Variants in ANKRD36C observed in about 807,000 individuals in gnomAD.
ANKRD36C encodes the protein ankyrin repeat domain-containing protein 36C.
In ANKRD36C, 61 loss-of-function variants were observed where a neutral mutation model predicts 276.4. The ratio of observed to expected loss-of-function variants is 0.22; its 90% confidence interval spans 0.18 to 0.27. ANKRD36C has a LOEUF of 0.27. Among genes scored for constraint, ANKRD36C ranks in the 10% least tolerant of loss-of-function variants. ANKRD36C has a pLI of 1.00. For synonymous variants in ANKRD36C, 483 were observed against 680.1 expected (o/e 0.71, Z 4.51); for missense variants, 1,447 against 2,032.3 (o/e 0.71, Z 5.54).
At chr2:95,936,685 C>T (rs1677727570) in intron 22 of ANKRD36C, among the ~76,000 whole-genome samples, 2 of 151,892 alleles carry the variant, frequency 1.3e-5, no homozygotes, top group African/African-American at 2.4e-5. Flanking sequence ...CACCATCCCA[C>T]CCCACTTGTA....
chr2:95,980,507 A>G (rs1176071280), intron 5 of ANKRD36C, 141 bp downstream of exon 5: 8 of 1,259,072 alleles, frequency 6.4e-6, no homozygotes, highest in Non-Finnish European at 6.4e-6. Flanking sequence ...CAACTCTCGA[A>G]AACTTAAAAA....
intron 46 of ANKRD36C, 144 bp from the exon 67 acceptor site, chr2:95,890,138 G>A (rs1573742828): frequency 8.9e-7 from 1 of 1,117,832 alleles, no homozygotes; most frequent in South Asian, 1.4e-5. Flanking sequence ...TCGGGGACAA[G>A]AACATGACAG....
chr2:95,850,204 CTTCA>C (rs1251693433), downstream of ANKRD36C, among the ~76,000 whole-genome samples: 9 of 152,292 alleles, frequency 5.9e-5, no homozygotes, highest in Non-Finnish European at 4.4e-5. Context: ...GTTTCTCACT[CTTCA>C]TTCATGTATT....
rs1223718135 is a variant in ANKRD36C at position 95,889,739 on chromosome 2, T to G, written c.2959+60A>C. The G allele has an allele frequency of 5.3e-6, 8 of 1,520,852 alleles. No homozygotes were observed. In the African/African-American group the frequency reaches 1.1e-4, roughly 21 times the overall value. 94.2% of individuals were successfully genotyped at this position (1,520,852 alleles called of 1,614,324 possible). ...ACGAACCCCCCGCTGCTTTATTTGG[T>G]GAAGAGAAGATCTCTTCTATCTTGA... On this transcript the variant is annotated intron_variant, in intron 48 of 66. Coordinates refer to ENST00000456556, the Ensembl canonical transcript of ANKRD36C.
At chr2:95,861,167 A>G (rs1391639523) in intron 60 of ANKRD36C, among the ~76,000 whole-genome samples, 1 of 152,104 alleles carries the variant, frequency 6.6e-6, no homozygotes, top group Non-Finnish European at 1.5e-5. Flanking sequence ...ATAAAACTCA[A>G]GATAATAAGT....
At chr2:95,872,879 C>T (rs1675848696) in intron 59 of ANKRD36C, among the ~76,000 whole-genome samples, 1 of 152,160 alleles carries the variant, frequency 6.6e-6, no homozygotes, top group South Asian at 2.1e-4. Flanking sequence ...TCAAAGAATA[C>T]TACAAACACC....
intron 42 of ANKRD36C, 45 bp from the exon 57 acceptor site, chr2:95,899,381 C>CAAAG: frequency 4.0e-4 from 1 of 2,482 alleles, no homozygotes; most frequent in Non-Finnish European, 9.3e-4. Context: ...GTAAATATGA[C>CAAAG]AAAGATATCC....
At chr2:95,872,269 A>G (rs1172549980) in intron 59 of ANKRD36C, among the ~76,000 whole-genome samples, 2 of 127,866 alleles carry the variant, frequency 1.6e-5, no homozygotes, top group Non-Finnish European at 3.4e-5. Flanking sequence ...ACTTGGAAGT[A>G]AAGCTCTCCT....
chr2:95,914,009 A>G, intron 40 of ANKRD36C, 99 bp downstream of exon 42: 1 of 1,228,080 alleles, frequency 8.1e-7, no homozygotes, highest in Non-Finnish European at 1.1e-6. Context: ...GCTGTATCAG[A>G]ATGTGCAGCT....
chr2:95,876,773 G>A (rs572382227), intron 58 of ANKRD36C, among the ~76,000 whole-genome samples: 128 of 143,610 alleles, frequency 8.9e-4, no homozygotes, highest in African/African-American at 3.3e-3. Flanking sequence ...AATGGCGTGA[G>A]CCCGGGAAGT....
intron 14 of ANKRD36C, among the ~76,000 whole-genome samples, chr2:95,953,464 A>T (rs1678251243): frequency 6.6e-6 from 1 of 152,124 alleles, no homozygotes; most frequent in African/African-American, 2.4e-5. Context: ...ATGATATCAA[A>T]ATATGTGCAC....
chr2:95,977,124 C>G (rs1411145441), intron 6 of ANKRD36C, among the ~76,000 whole-genome samples: 1 of 152,042 alleles, frequency 6.6e-6, no homozygotes, highest in Non-Finnish European at 1.5e-5. Flanking sequence ...TTATTCTTCC[C>G]TGTTGACCAG....
intron 42 of ANKRD36C, 34 bp downstream of exon 47, chr2:95,908,635 T>G: frequency 6.4e-7 from 1 of 1,564,546 alleles, no homozygotes. Context: ...ACTATACATT[T>G]ACTAGTTCAC....
chr2:95,924,974 C>T (rs1197576891), intron 30 of ANKRD36C, among the ~76,000 whole-genome samples: 1 of 151,590 alleles, frequency 6.6e-6, no homozygotes, highest in Non-Finnish European at 1.5e-5. Flanking sequence ...ATAACAATTT[C>T]CTCCCTCTGG....
intron 42 of ANKRD36C, among the ~76,000 whole-genome samples, chr2:95,907,993 C>A (rs1676792537): frequency 1.3e-5 from 2 of 150,402 alleles, no homozygotes; most frequent in East Asian, 4.0e-4. Flanking sequence ...TCAGCAGAAA[C>A]CCCAAAATTA....
chr2:95,892,089 A>C (rs1285813305), intron 44 of ANKRD36C, among the ~76,000 whole-genome samples: 2 of 151,580 alleles, frequency 1.3e-5, no homozygotes, highest in African/African-American at 4.8e-5. Context: ...ATGATTTGTC[A>C]TATGTCGAAA....
chr2:95,884,208 G>T (rs759743276), exon 54 of ANKRD36C: 4 of 1,609,278 alleles, frequency 2.5e-6, no homozygotes, highest in South Asian at 1.1e-5. Flanking sequence ...TATTTCTCTG[G>T]CTATATTCGA....
At chr2:95,861,356 A>C (rs1573724039) in intron 60 of ANKRD36C, among the ~76,000 whole-genome samples, 2 of 152,208 alleles carry the variant, frequency 1.3e-5, no homozygotes, top group East Asian at 3.9e-4. Flanking sequence ...GTTAATAGAT[A>C]ACTCCTCAAA....
At chr2:95,927,808 T>C (rs1677450778) in intron 26 of ANKRD36C, among the ~76,000 whole-genome samples, 1 of 151,614 alleles carries the variant, frequency 6.6e-6, no homozygotes, top group South Asian at 2.1e-4. Flanking sequence ...ACCATTATAC[T>C]ACAAACGTTC....
Sources: gnomAD v4.1 joint callset for allele counts (sites outside exome capture counted in the v4.1 genomes callset) on GRCh38, gnomAD v4.1.1 for gene constraint, MANE v1.5 for transcripts, NCBI Gene and HGNC (gene_info 2026-07-23, HGNC 2026-07-21) for gene names.